Variants in HELZ observed in about 807,000 individuals in gnomAD.
The protein encoded by HELZ is ATP-dependent RNA helicase with zinc finger domain.
In HELZ, 23 loss-of-function variants were observed where a neutral mutation model predicts 218.2. The ratio of observed to expected loss-of-function variants is 0.11; its 90% CI spans 0.08 to 0.15. The LOEUF (loss-of-function observed/expected upper bound fraction) is 0.15, where lower values mean the gene tolerates loss of function less well. Ranked by LOEUF, HELZ falls within the 10% of genes least tolerant of loss-of-function variation. HELZ has a pLI of 1.00. For missense variants in HELZ, 1,813 were observed against 2,353.7 expected, an observed-to-expected ratio of 0.77 and a Z score of 4.75; for synonymous variants, 814 against 829.4, an observed-to-expected ratio of 0.98 and a Z score of 0.32.
At chr17:67,185,177 A>G (rs2039721063) in intron 12 of HELZ, among the ~76,000 whole-genome samples, 1 of 152,230 alleles carries the variant, frequency 6.6e-6, no homozygotes, top group African/African-American at 2.4e-5. Flanking sequence ...ATTCCAGGAA[A>G]AGATACAAAA....
intron 5 of HELZ, among the ~76,000 whole-genome samples, chr17:67,209,135 AC>A (rs1385171419): frequency 6.2e-5 from 9 of 146,304 alleles, no homozygotes; most frequent in Non-Finnish European, 9.1e-5. Context: ...AAAAAAAAAA[AC>A]AACACTGGCA....
At chr17:67,150,018 G>T in intron 18 of HELZ, 33 bp from the exon 19 acceptor site, 1 of 1,282,802 alleles carries the variant, frequency 7.8e-7, no homozygotes, top group Non-Finnish European at 1.1e-6. Context: ...AGGATAGCAC[G>T]CTAGAGCAGC....
chr17:67,086,624 A>AT (rs2036385423), intron 32 of HELZ, among the ~76,000 whole-genome samples: 6 of 48,650 alleles, frequency 1.2e-4, no homozygotes, highest in African/African-American at 1.7e-4. Flanking sequence ...AAATAAATAT[A>AT]AATATAAATA....
Position 67,109,162 on chromosome 17 carries a change from G to A in HELZ, c.4443C>T (p.Ser1481=), listed in dbSNP as rs759192304. The A allele has an allele frequency of 3.1e-6, 5 of 1,613,912 alleles. No homozygotes were observed. Among genetic ancestry groups the A allele is most frequent in the Admixed American group, 1.7e-5 (1 of 60,014 alleles). The change falls in exon 29 of 33, where the codon AGC becomes AGT. Residue 1481 remains serine, a synonymous_variant. Coordinates refer to ENST00000358691, the MANE Select transcript of HELZ (RefSeq NM_014877.4). ...PGPILPSHLN[S]FIDENPSGLP... ...ATCCCGAGGGGTTCTCATCAATGAA[G>A]CTATTCAGATGTGAAGGAAGAATGG...
In HELZ at chr17:67,229,874, A is replaced by G. The variant is rs975037790; in HGVS notation, c.-19+9559T>C. 3.3e-5 allele frequency among the ~76,000 whole-genome samples: 5 copies of G among 152,366 alleles called. No individual in the cohort carries two copies. In the South Asian group the frequency reaches 6.2e-4, roughly 19 times the overall value. On this transcript the variant is annotated intron_variant, in intron 3 of 32. Transcript: ENST00000358691. ...TAAAATCACTGAGTATGCAAGAAGC[A>G]TTAGAAGAGAGACTAAGCCTACAGA...
chr17:67,079,321 C>T (rs2036114585), intron 32 of HELZ, among the ~76,000 whole-genome samples: 2 of 152,216 alleles, frequency 1.3e-5, no homozygotes, highest in South Asian at 4.1e-4. Flanking sequence ...AGAAGAAAGT[C>T]ATTCATACTT....
intron 3 of HELZ, among the ~76,000 whole-genome samples, chr17:67,237,562 G>T (rs773615474): frequency 1.1e-4 from 16 of 152,014 alleles, no homozygotes; most frequent in Non-Finnish European, 2.1e-4. Context: ...AATGTAGATA[G>T]ATTTTTTTTT....
At chr17:67,204,641 C>T (rs960128772) in intron 5 of HELZ, among the ~76,000 whole-genome samples, 1 of 151,836 alleles carries the variant, frequency 6.6e-6, no homozygotes, top group Non-Finnish European at 1.5e-5. Context: ...TTACATATAC[C>T]TTTTATTGAA....
intron 5 of HELZ, among the ~76,000 whole-genome samples, chr17:67,208,840 G>A (rs2040373226): frequency 6.6e-6 from 1 of 151,852 alleles, no homozygotes; most frequent in South Asian, 2.1e-4. Flanking sequence ...GGGAGGCTGG[G>A]GTGGGAGGAT....
chr17:67,124,359 C>T (rs1027927417), intron 24 of HELZ, among the ~76,000 whole-genome samples: 1 of 152,046 alleles, frequency 6.6e-6, no homozygotes, highest in Admixed American at 6.6e-5. Flanking sequence ...TTTCTCTATA[C>T]ATTTTCTAAC....
intron 13 of HELZ, among the ~76,000 whole-genome samples, chr17:67,174,765 C>A (rs1466023176): frequency 2.6e-5 from 4 of 152,018 alleles, no homozygotes; most frequent in Non-Finnish European, 5.9e-5. Context: ...CCATTGCACT[C>A]CAGCCTGGGC....
intron 2 of HELZ, among the ~76,000 whole-genome samples, chr17:67,241,613 C>G (rs1218841165): frequency 1.3e-5 from 2 of 152,150 alleles, no homozygotes; most frequent in African/African-American, 2.4e-5. Flanking sequence ...ACTGGACAGT[C>G]TATAAATATA....
chr17:67,245,503 GCA>G, upstream of HELZ: 1 of 985,706 alleles, frequency 1.0e-6, no homozygotes, highest in Non-Finnish European at 1.2e-6. Context: ...CCCCGCGTCT[GCA>G]TTGAATCAAC....
At chr17:67,197,827 C>T (rs1011183845) in intron 7 of HELZ, among the ~76,000 whole-genome samples, 7 of 152,108 alleles carry the variant, frequency 4.6e-5, no homozygotes, top group Admixed American at 1.3e-4. Context: ...CAGGAAAATG[C>T]CTTCTGATTA....
At chr17:67,193,825 G>T in intron 9 of HELZ, 142 bp downstream of exon 9, 1 of 639,268 alleles carries the variant, frequency 1.6e-6, no homozygotes. Flanking sequence ...ATATGGTTTT[G>T]ACTTTTATTA....
chr17:67,086,789 G>A, intron 32 of HELZ, 40 bp downstream of exon 32: 4 of 1,606,066 alleles, frequency 2.5e-6, no homozygotes, highest in Non-Finnish European at 3.4e-6. Flanking sequence ...TCCGGGAGCT[G>A]AGGAGTACAG....
At chr17:67,232,621 C>T (rs1216253982) in intron 3 of HELZ, among the ~76,000 whole-genome samples, 1 of 152,136 alleles carries the variant, frequency 6.6e-6, no homozygotes, top group Non-Finnish European at 1.5e-5. Context: ...TAAGAACATA[C>T]CCTATTAAAC....
chr17:67,223,408 T>C (rs1008156571), intron 3 of HELZ, among the ~76,000 whole-genome samples: 3 of 152,144 alleles, frequency 2.0e-5, no homozygotes, highest in African/African-American at 7.2e-5. Flanking sequence ...ATTCGCCCAT[T>C]GCTGAGGTCC....
intron 17 of HELZ, among the ~76,000 whole-genome samples, chr17:67,155,541 A>G (rs1294258093): frequency 6.6e-6 from 1 of 152,262 alleles, no homozygotes; most frequent in Non-Finnish European, 1.5e-5. Flanking sequence ...TTAGGAGCAA[A>G]TAACTTACAG....
Sources: allele counts gnomAD v4.1 joint callset (sites outside exome capture counted in the v4.1 genomes callset), GRCh38; gene constraint gnomAD v4.1.1; transcripts MANE v1.5; gene names NCBI Gene and HGNC (gene_info 2026-07-23, HGNC 2026-07-21).